USP3: variants seen among roughly 807,000 people sequenced by gnomAD.
The protein encoded by USP3 is ubiquitin specific peptidase 3, also known as ubiquitin carboxyl-terminal hydrolase 3.
A neutral mutation model predicts 72.3 loss-of-function variants in USP3; 20 were observed. That is an observed-to-expected ratio of 0.28 (90% confidence interval 0.19 to 0.40). The LOEUF (loss-of-function observed/expected upper bound fraction) is 0.40, where lower values mean the gene tolerates loss of function less well. Ranked by LOEUF, USP3 falls within the 10% of genes least tolerant of loss-of-function variation. USP3 has a pLI of 1.00. For synonymous variants in USP3, 222 were observed against 225.3 expected (o/e 0.99, Z 0.13); for missense variants, 479 against 633.9 (o/e 0.76, Z 2.62).
chr15:63,584,100 T>G (rs59549166), intron 11 of USP3, among the ~76,000 whole-genome samples: 28 of 141,230 alleles, frequency 2.0e-4, no homozygotes, highest in African/African-American at 4.7e-4. Flanking sequence ...TTGTTTTTTT[T>G]TTTTTTTTTT....
At chr15:63,576,210 C>T (rs7171068) in intron 11 of USP3, among the ~76,000 whole-genome samples, 21,656 of 151,964 alleles carry the variant, frequency 0.14, 1,790 homozygotes, top group African/African-American at 0.22. Flanking sequence ...TGGTCTTAAA[C>T]GCCTAACCTC....
intron 1 of USP3, among the ~76,000 whole-genome samples, chr15:63,506,175 T>G (rs747354920): frequency 2.6e-5 from 4 of 152,176 alleles, no homozygotes; most frequent in Non-Finnish European, 4.4e-5. Context: ...GTATTGCAGT[T>G]CTTTTGTGAG....
intron 11 of USP3, among the ~76,000 whole-genome samples, chr15:63,584,504 A>G (rs917061895): frequency 6.6e-6 from 1 of 152,156 alleles, no homozygotes; most frequent in Non-Finnish European, 1.5e-5. Flanking sequence ...GTAGTATCTC[A>G]CTATGGTTTT....
At chr15:63,514,493 A>G (rs1243080014) in intron 1 of USP3, among the ~76,000 whole-genome samples, 1 of 152,108 alleles carries the variant, frequency 6.6e-6, no homozygotes, top group Non-Finnish European at 1.5e-5. Flanking sequence ...TATTTCTTCA[A>G]AATAAGTCCC....
intron 3 of USP3, among the ~76,000 whole-genome samples, chr15:63,549,086 A>G (rs2066399042): frequency 6.6e-6 from 1 of 152,156 alleles, no homozygotes; most frequent in Non-Finnish European, 1.5e-5. Flanking sequence ...TTAACCCAGT[A>G]TATCAGAAAT....
At chr15:63,509,231 A>G (rs1211049955) in intron 1 of USP3, among the ~76,000 whole-genome samples, 2 of 152,208 alleles carry the variant, frequency 1.3e-5, no homozygotes, top group Non-Finnish European at 2.9e-5. Flanking sequence ...AAATGCTTTT[A>G]CTGCTTTTTA....
intron 3 of USP3, among the ~76,000 whole-genome samples, chr15:63,550,884 C>T (rs969813943): frequency 4.6e-5 from 7 of 152,186 alleles, no homozygotes; most frequent in Non-Finnish European, 1.0e-4. Context: ...TAGTCAGGCG[C>T]GGTGGCTCAC....
chr15:63,536,882 T>A, intron 2 of USP3, 143 bp from the exon 3 acceptor site: 1 of 893,006 alleles, frequency 1.1e-6, no homozygotes, highest in South Asian at 1.9e-5. Flanking sequence ...ATTTTAAGTA[T>A]TCAGTATAAT....
At chr15:63,509,416 A>G (rs1168079650) in intron 1 of USP3, among the ~76,000 whole-genome samples, 3 of 152,126 alleles carry the variant, frequency 2.0e-5, no homozygotes, top group African/African-American at 7.2e-5. Context: ...CACTCCCAGT[A>G]TTTTAGTCAG....
chr15:63,505,743 C>T (rs1182846278), intron 1 of USP3, among the ~76,000 whole-genome samples: 2 of 152,156 alleles, frequency 1.3e-5, no homozygotes, highest in Non-Finnish European at 2.9e-5. Context: ...CCTGGTAGGG[C>T]CCTGGTGCCA....
chr15:63,539,570 T>A (rs2066211445), intron 3 of USP3, among the ~76,000 whole-genome samples: 1 of 152,254 alleles, frequency 6.6e-6, no homozygotes, highest in Non-Finnish European at 1.5e-5. Flanking sequence ...GAAATGGGAA[T>A]TGAATTGGTT....
At chr15:63,561,347 T>C (rs1250594676) in intron 7 of USP3, among the ~76,000 whole-genome samples, 1 of 152,150 alleles carries the variant, frequency 6.6e-6, no homozygotes, top group Non-Finnish European at 1.5e-5. Flanking sequence ...TGCAGGGCTA[T>C]TGGTGAGCTA....
rs1277645084 is a variant in USP3, at chr15:63,588,244, A to G, written c.1097-61A>G. ...GATTTTAAACCTGGGTCTTTTTTCT[A>G]CAGTACATTGCCTCTACAAAAGGCA... On this transcript the variant is annotated intron_variant, in intron 11 of 14. Coordinates refer to ENST00000380324, the MANE Select transcript of USP3 (RefSeq NM_006537.4). The surrounding 1 kb of genome is among the most constrained non-coding windows in gnomAD (Gnocchi z 4.6). The G allele has an allele frequency of 2.3e-6, 3 of 1,289,360 alleles. No homozygotes were observed. The highest frequency in any genetic ancestry group is 3.2e-6 in the Non-Finnish European group (3 of 933,512). The allele number at this position is 1,289,360 out of a possible 1,614,324, so 79.9% of individuals were successfully genotyped here.
intron 8 of USP3, among the ~76,000 whole-genome samples, chr15:63,567,040 C>T (rs879507601): frequency 2.0e-5 from 3 of 152,118 alleles, no homozygotes; most frequent in African/African-American, 7.2e-5. Flanking sequence ...CTGGCACTGC[C>T]AAGACACAGA....
intron 11 of USP3, among the ~76,000 whole-genome samples, chr15:63,582,314 A>G (rs2066977871): frequency 2.0e-5 from 3 of 152,202 alleles, no homozygotes; most frequent in African/African-American, 7.2e-5. Context: ...ACTAGGGTTT[A>G]CTATAATAGC....
At position 63,556,756 on chromosome 15, in the gene USP3, A is replaced by G. The variant is rs899235516; in HGVS notation, c.450+8A>G. ...AAGTTATTAAAAGTAAATGTAAGTA[A>G]TTAAAATTTATTCAAATATAAGAGT... On this transcript the variant is annotated splice_region_variant and intron_variant, in intron 5 of 14. Transcript: ENST00000380324. 2.6e-6 allele frequency: 4 copies of G among 1,523,766 alleles called. No individual in the cohort carries two copies. 94.4% of individuals were successfully genotyped at this position (1,523,766 alleles called of 1,614,324 possible).
At chr15:63,536,890 A>G in intron 2 of USP3, 135 bp from the exon 3 acceptor site, 1 of 973,992 alleles carries the variant, frequency 1.0e-6, no homozygotes, top group African/African-American at 1.7e-5. Flanking sequence ...TATTCAGTAT[A>G]ATAAATCACT....
chr15:63,576,124 C>A (rs1040861597), intron 11 of USP3, among the ~76,000 whole-genome samples: 3 of 151,756 alleles, frequency 2.0e-5, no homozygotes, highest in Non-Finnish European at 4.4e-5. Context: ...GTAGCTGGGA[C>A]TACAGGCGTA....
At chr15:63,532,812 C>A in intron 2 of USP3, 105 bp downstream of exon 2, 1 of 1,170,832 alleles carries the variant, frequency 8.5e-7, no homozygotes. Flanking sequence ...CATTGTTAAT[C>A]ATAATGCATA....
Sources: allele counts gnomAD v4.1 joint callset (sites outside exome capture counted in the v4.1 genomes callset), GRCh38; gene constraint gnomAD v4.1.1; non-coding constraint Gnocchi (gnomAD v3.1); transcripts MANE v1.5; gene names NCBI Gene and HGNC (gene_info 2026-07-23, HGNC 2026-07-21).